The following CADM2 variants were observed in gnomAD, a reference collection of about 807,000 sequenced individuals.
CADM2 encodes the protein immunoglobulin superfamily member 4D.
In CADM2, 12 loss-of-function variants were observed where a neutral mutation model predicts 49.8. That is an observed-to-expected ratio of 0.24 (90% CI 0.15 to 0.39). The LOEUF (loss-of-function observed/expected upper bound fraction) is 0.39, where lower values mean the gene tolerates loss of function less well. CADM2 is among the 10% of genes least tolerant of loss of function. The pLI, the probability that CADM2 is intolerant of heterozygous loss-of-function variation, is 1.00. For synonymous variants in CADM2, 214 were observed against 175.4 expected, an observed-to-expected ratio of 1.22 and a Z score of -1.74; for missense variants, 378 against 492.3, an observed-to-expected ratio of 0.77 and a Z score of 2.20.
intron 1 of CADM2, among the ~76,000 whole-genome samples, chr3:85,577,800 C>T (rs1200209967): frequency 6.6e-6 from 1 of 151,816 alleles, no homozygotes; most frequent in African/African-American, 2.4e-5. Flanking sequence ...TTAAATTGCC[C>T]TATAACTATT....
At chr3:85,711,903 A>T (rs2067131128) in intron 1 of CADM2, among the ~76,000 whole-genome samples, 1 of 152,178 alleles carries the variant, frequency 6.6e-6, no homozygotes, top group Non-Finnish European at 1.5e-5. Flanking sequence ...GAACATAATG[A>T]TCACCAGTTG....
At chr3:85,148,917 G>A (rs908244113) in intron 1 of CADM2, among the ~76,000 whole-genome samples, 11 of 152,044 alleles carry the variant, frequency 7.2e-5, no homozygotes, top group African/African-American at 2.7e-4. Flanking sequence ...TCTCAGGGGT[G>A]GTAGAGGCAG....
At position 86,068,183 on chromosome 3, in the gene CADM2, C is replaced by T. The variant is rs1450665153; in HGVS notation, c.*1400C>T. 2.6e-5 allele frequency: 4 copies of T among 152,358 alleles called. No individual in the cohort carries two copies. Among genetic ancestry groups the T allele is most frequent in the African/African-American group, 7.2e-5 (3 of 41,428 alleles). The allele number at this position is 152,358 out of a possible 1,614,324, so 9.4% of individuals were successfully genotyped here. On this transcript the variant is annotated 3_prime_UTR_variant, in exon 10 of 10. Coordinates refer to ENST00000383699, the MANE Select transcript of CADM2 (RefSeq NM_001167675.2). ...AACAGTGAGTGATAGAGAATTTCTG[C>T]CATGCTTTTAACTCCAAAGTGAAAG... is the stretch of plus-strand genomic sequence containing the variant.
At chr3:85,705,787 G>T (rs1277955640) in intron 1 of CADM2, among the ~76,000 whole-genome samples, 2 of 152,032 alleles carry the variant, frequency 1.3e-5, no homozygotes, top group Admixed American at 6.5e-5. Flanking sequence ...TAAGAAAAAA[G>T]AAGTTAATTG....
At chr3:85,335,714 G>T (rs1452261665) in intron 1 of CADM2, among the ~76,000 whole-genome samples, 1 of 151,390 alleles carries the variant, frequency 6.6e-6, no homozygotes, top group African/African-American at 2.4e-5. Context: ...CTTCTTCTGT[G>T]AGATGATTGT....
rs397990432 is a variant in CADM2, at chr3:85,996,290, C to CT, written c.970+34665dup. Among the ~76,000 whole-genome samples the CT allele has an allele frequency of 6.5e-3, 579 of 89,298 alleles. 5 individuals are homozygous for CT. Among genetic ancestry groups the CT allele is most frequent in the East Asian group, 9.1e-3 (25 of 2,748 alleles). The allele number at this position is 89,298 out of a possible 152,430, so 58.6% of individuals were successfully genotyped here. A position where few individuals can be genotyped will look rare whatever the true frequency, so the allele number is the denominator to read the frequency against. On this transcript the variant is annotated intron_variant, in intron 8 of 9. Coordinates refer to ENST00000383699, the MANE Select transcript of CADM2 (RefSeq NM_001167675.2). ...TTAAAAGCTTCCATTTTTTCATTTA[C>CT]TTTTTTTTTTTTTTTTTTTTTTGGT...
chr3:85,778,970 A>G (rs2070495272), intron 2 of CADM2, among the ~76,000 whole-genome samples: 1 of 152,166 alleles, frequency 6.6e-6, no homozygotes. Context: ...ATCCTGCCAA[A>G]TGTAAGTGAC....
intron 1 of CADM2, among the ~76,000 whole-genome samples, chr3:85,593,544 G>A (rs113206820): frequency 4.6e-5 from 7 of 152,106 alleles, no homozygotes; most frequent in African/African-American, 1.7e-4. Context: ...GTGAACTAAA[G>A]AATTGTTCCT....
intron 1 of CADM2, among the ~76,000 whole-genome samples, chr3:85,296,992 CT>C (rs1258621914): frequency 6.6e-6 from 1 of 150,858 alleles, no homozygotes; most frequent in Non-Finnish European, 1.5e-5. Flanking sequence ...TGTTGGGTCT[CT>C]TGTAATTTTT....
chr3:85,350,250 A>G (rs1355877217), intron 1 of CADM2, among the ~76,000 whole-genome samples: 1 of 152,182 alleles, frequency 6.6e-6, no homozygotes, highest in Non-Finnish European at 1.5e-5. Flanking sequence ...AATTTTTTTC[A>G]TATCCAAAGC....
intron 2 of CADM2, among the ~76,000 whole-genome samples, chr3:85,730,894 A>G (rs2067905025): frequency 6.6e-6 from 1 of 152,184 alleles, no homozygotes; most frequent in Admixed American, 6.5e-5. Flanking sequence ...TTTCAAAGCG[A>G]ATGTCTTAAA....
chr3:85,831,208 A>G (rs376644279), intron 3 of CADM2, among the ~76,000 whole-genome samples: 93 of 152,102 alleles, frequency 6.1e-4, no homozygotes, highest in African/African-American at 2.0e-3. Context: ...CGTGAGGTAC[A>G]TGTACCACAT....
At chr3:85,435,239 C>T (rs1475487907) in intron 1 of CADM2, among the ~76,000 whole-genome samples, 3 of 151,956 alleles carry the variant, frequency 2.0e-5, no homozygotes, top group African/African-American at 7.2e-5. Flanking sequence ...CATTGTTCAC[C>T]TCCCACTTAT....
chr3:85,338,951 A>G (rs2045166640), intron 1 of CADM2, among the ~76,000 whole-genome samples: 2 of 151,610 alleles, frequency 1.3e-5, no homozygotes, highest in South Asian at 2.1e-4. Flanking sequence ...TATTCTAAAG[A>G]CTTGTTTCCA....
chr3:85,573,092 C>T (rs17023032), intron 1 of CADM2, among the ~76,000 whole-genome samples: 5 of 151,832 alleles, frequency 3.3e-5, no homozygotes, highest in African/African-American at 9.7e-5. Context: ...TAGGGTATTT[C>T]GACAAAAATA....
Position 85,944,729 on chromosome 3 carries a change from G to A in CADM2, c.791+8872G>A, listed in dbSNP as rs566661376. On this transcript the variant is annotated intron_variant, in intron 7 of 9. Coordinates refer to ENST00000383699, the MANE Select transcript of CADM2 (RefSeq NM_001167675.2). ...AATAAAGATGTTCTTTGAAACCAAC[G>A]AGAACAAAGACACAACATACCAGAA... 2.6e-5 allele frequency among the ~76,000 whole-genome samples: 4 copies of A among 152,028 alleles called. No individual in the cohort carries two copies. The South Asian group carries it at 6.2e-4, about 24-fold the overall frequency.
intron 1 of CADM2, among the ~76,000 whole-genome samples, chr3:85,454,776 A>G (rs1299172545): frequency 1.3e-5 from 2 of 152,226 alleles, no homozygotes. Context: ...ACATGCAACT[A>G]TCGTTGTTGC....
At chr3:85,834,301 C>T (rs1400967842) in intron 3 of CADM2, among the ~76,000 whole-genome samples, 2 of 151,466 alleles carry the variant, frequency 1.3e-5, no homozygotes, top group Admixed American at 6.6e-5. Flanking sequence ...AAATGCAAGC[C>T]AAACACAAAT....
At chr3:85,494,799 G>T (rs570492537) in intron 1 of CADM2, among the ~76,000 whole-genome samples, 3 of 152,018 alleles carry the variant, frequency 2.0e-5, no homozygotes, top group East Asian at 3.8e-4. Flanking sequence ...ATAATAATGC[G>T]TTCATAATTT....
Sources: allele counts gnomAD v4.1 joint callset (sites outside exome capture counted in the v4.1 genomes callset), GRCh38; gene constraint gnomAD v4.1.1; transcripts MANE v1.5; gene names NCBI Gene and HGNC (gene_info 2026-07-23, HGNC 2026-07-21).